The following SMC1B variants were observed in gnomAD, a reference collection of about 807,000 sequenced individuals.
SMC1B encodes structural maintenance of chromosomes protein 1B.
SMC1B carries 60 observed loss-of-function variants against 157.9 expected under a neutral mutation model. The observed-to-expected ratio is 0.38, with a 90% confidence interval of 0.31 to 0.47. The LOEUF is 0.47. Ranked by LOEUF, SMC1B falls within the 20% of genes least tolerant of loss-of-function variation. The probability of loss-of-function intolerance (pLI) is 0.99; values close to 1 mark genes in which losing one functional copy is unlikely to be tolerated. For missense variants in SMC1B, 1,165 were observed against 1,426.2 expected, an observed-to-expected ratio of 0.82 and a Z score of 2.95; for synonymous variants, 445 against 483.0, an observed-to-expected ratio of 0.92 and a Z score of 1.03.
chr22:45,361,408 T>G (rs1213542663), intron 17 of SMC1B, among the ~76,000 whole-genome samples: 1 of 152,038 alleles, frequency 6.6e-6, no homozygotes, highest in Non-Finnish European at 1.5e-5. Flanking sequence ...AGGTTAGGAG[T>G]TCGAGACCAA....
intron 22 of SMC1B, among the ~76,000 whole-genome samples, chr22:45,350,508 C>A (rs2086603086): frequency 1.3e-5 from 2 of 151,584 alleles, no homozygotes; most frequent in Admixed American, 1.3e-4. Context: ...GATCTCCTGA[C>A]CTTGTGATCT....
At chr22:45,346,856 C>T (rs1397281323) in intron 23 of SMC1B, among the ~76,000 whole-genome samples, 1 of 152,158 alleles carries the variant, frequency 6.6e-6, no homozygotes, top group Non-Finnish European at 1.5e-5. Context: ...CATAACTGCT[C>T]ATACTCAATT....
At chr22:45,403,966 G>C (rs1158708701) in intron 4 of SMC1B, among the ~76,000 whole-genome samples, 1 of 152,094 alleles carries the variant, frequency 6.6e-6, no homozygotes, top group African/African-American at 2.4e-5. Context: ...TTTTGAGACA[G>C]AGTCTCACTC....
In SMC1B at chr22:45,394,781, T is replaced by C. The variant is rs1169051663; in HGVS notation, c.1255-14A>G. On this transcript the variant is annotated splice_polypyrimidine_tract_variant and intron_variant, in intron 7 of 24. Transcript: ENST00000357450. The stretch of plus-strand genomic sequence containing the variant: ...TTTTAGATTTCCCTAAAAGAGGAAA[T>C]AAAATCTAAAATCAATTACGGCAAT... The C allele has an allele frequency of 6.6e-7, 1 of 1,505,886 alleles. No homozygotes were observed. The highest frequency in any genetic ancestry group is 2.5e-5 in the East Asian group (1 of 40,606). 93.3% of individuals were successfully genotyped at this position (1,505,886 alleles called of 1,614,324 possible). A position where few individuals can be genotyped will look rare whatever the true frequency, so the allele number is the denominator to read the frequency against.
chr22:45,364,286 CCT>C (rs1476445968), intron 15 of SMC1B, among the ~76,000 whole-genome samples: 2 of 152,118 alleles, frequency 1.3e-5, no homozygotes, highest in Non-Finnish European at 2.9e-5. Flanking sequence ...CCCACCACAC[CCT>C]GCTAACAGAA....
chr22:45,346,127 C>T (rs2086549376), intron 23 of SMC1B, among the ~76,000 whole-genome samples: 1 of 151,730 alleles, frequency 6.6e-6, no homozygotes, highest in African/African-American at 2.4e-5. Context: ...ATCGCTTGAA[C>T]CCGGGAGGTA....
rs559155069 is a variant in SMC1B at position 45,393,673 on chromosome 22, C to A, written c.1506G>T (p.Glu502Asp). Residue 502 changes from glutamate to aspartate, a missense_variant, in exon 9 of 25, where the codon GAG (glutamate) becomes GAT (aspartate). Transcript: ENST00000357450. ...HEGKRQQKRA[E>D]VLEHLKRLYP... ...ACAGTCTTTTAAGGTGTTCCAGAAC[C>A]TCTGCTCTCTTTTGCTGACGTTTTC... is the stretch of plus-strand genomic sequence containing the variant. 1.2e-6 allele frequency: 2 copies of A among 1,614,064 alleles called. No homozygotes were observed. The highest frequency in any genetic ancestry group is 2.2e-5 in the East Asian group (1 of 44,866).
chr22:45,361,842 T>G lies in SMC1B; in HGVS notation c.2705A>C (p.Asp902Ala). 6.2e-7 allele frequency: 1 copy of G among 1,613,782 alleles called. No homozygotes were observed. The highest frequency in any genetic ancestry group is 1.1e-5 in the South Asian group (1 of 90,972). The change falls in exon 17 of 25, where the codon GAT (aspartate) becomes GCT (alanine). Residue 902 changes from aspartate (D) to alanine (A), a missense_variant. Asp to Ala is a moderately radical substitution (Grantham distance 126, BLOSUM62 -2). Transcript: ENST00000357450. ...AAACTGATGAAGTCTTAATTACCTATCAACAGCCAGAAACTTCTTCCGTTC... is the reference window on the plus strand; with the variant it reads ...AAACTGATGAAGTCTTAATTACCTAGCAACAGCCAGAAACTTCTTCCGTTC... The part of the protein sequence containing the change: ...EEERKKFLAV[D>A]REVGKLQKEV...
chr22:45,387,964 G>A (rs9614655), intron 10 of SMC1B, among the ~76,000 whole-genome samples: 16,590 of 151,626 alleles, frequency 0.11, 1,252 homozygotes, highest in East Asian at 0.32. Context: ...CCCGGGAGGC[G>A]GAGGTTGCAG....
chr22:45,372,714 G>GTTTTTT (rs551576069), intron 12 of SMC1B, among the ~76,000 whole-genome samples: 1 of 66,572 alleles, frequency 1.5e-5, no homozygotes, highest in African/African-American at 1.5e-4. Flanking sequence ...TTGACTCCAG[G>GTTTTTT]TCTTTTTTTT....
At chr22:45,403,377 GTATC>G (rs1394305447) in intron 4 of SMC1B, among the ~76,000 whole-genome samples, 1 of 152,176 alleles carries the variant, frequency 6.6e-6, no homozygotes, top group Non-Finnish European at 1.5e-5. Context: ...TATGTATTGA[GTATC>G]TACTATGAGC....
At chr22:45,352,301 A>G in intron 22 of SMC1B, 150 bp downstream of exon 22, 1 of 688,942 alleles carries the variant, frequency 1.5e-6, no homozygotes, top group Non-Finnish European at 2.1e-6. Context: ...TTGTAGGCCT[A>G]AAACATAATC....
At chr22:45,406,901 TA>T (rs1298348156) in intron 2 of SMC1B, 36 bp from the exon 3 acceptor site, 9 of 1,425,774 alleles carry the variant, frequency 6.3e-6, no homozygotes, top group Non-Finnish European at 8.5e-6. Flanking sequence ...AAAAAATATA[TA>T]AATACCAGAT....
chr22:45,349,677 A>G (rs762184808), intron 23 of SMC1B, 51 bp downstream of exon 23: 38 of 1,515,398 alleles, frequency 2.5e-5, no homozygotes, highest in Non-Finnish European at 3.3e-5. Flanking sequence ...CTTGCCTCAC[A>G]TGATCCTTGA....
rs3747240 is a variant in SMC1B at position 45,344,343 on chromosome 22, G to A, written c.*213C>T. The stretch of plus-strand genomic sequence containing the variant: ...TTGTTTGTTTTTTAAAAACTCATTT[G>A]ACACCAGCTCTCACTGAAAACTTTC... On this transcript the variant is annotated 3_prime_UTR_variant, in exon 25 of 25. Transcript: ENST00000357450. The A allele has an allele frequency of 0.87, 316,048 of 361,816 alleles. 138,416 individuals carry two copies. The highest frequency in any genetic ancestry group is 0.95 in the African/African-American group (45,438 of 47,942). 22.4% of individuals were successfully genotyped at this position (361,816 alleles called of 1,614,324 possible).
At position 45,358,701 on chromosome 22, in the gene SMC1B, A is replaced by G; in HGVS notation, c.2957T>C (p.Leu986Ser). 6.3e-7 allele frequency: 1 copy of G among 1,592,736 alleles called. No individual in the cohort carries two copies. The highest frequency in any genetic ancestry group is 8.6e-7 in the Non-Finnish European group (1 of 1,164,302). ...CAACAGAAAGCTTTCCATTACCTTC[A>G]AATCCTCTTTTAGAGAGCTGTAGTC... Reference protein sequence around the residue: ...EIDYSSLKEDLKALQSDQEIE... With the variant: ...EIDYSSLKEDSKALQSDQEIE... Residue 986 changes from leucine (L) to serine (S), a missense_variant, in exon 19 of 25, where the codon TTG becomes TCG. Leu to Ser is a moderately radical substitution (Grantham distance 145). Transcript: ENST00000357450.
At chr22:45,408,270 T>C (rs1260647073) in intron 2 of SMC1B, among the ~76,000 whole-genome samples, 3 of 152,056 alleles carry the variant, frequency 2.0e-5, no homozygotes, top group Non-Finnish European at 4.4e-5. Flanking sequence ...GGACTACAGG[T>C]GCCTGCCACC....
chr22:45,375,044 C>A (rs1469150300), intron 12 of SMC1B, among the ~76,000 whole-genome samples: 4 of 152,110 alleles, frequency 2.6e-5, no homozygotes, highest in African/African-American at 9.7e-5. Flanking sequence ...TCTTGGGGCT[C>A]CAAAATCACT....
Position 45,353,187 on chromosome 22 carries a change from G to A in SMC1B, c.3274-585C>T, listed in dbSNP as rs148482495. On this transcript the variant is annotated intron_variant, in intron 21 of 24. Coordinates refer to ENST00000357450, the MANE Select transcript of SMC1B (RefSeq NM_148674.5). ...TTGGGAAGCTGAGACACTTGAACCCGGGAGGTGGAGGTTTCAGTGAGCCGA... is the reference window on the plus strand; with the variant it reads ...TTGGGAAGCTGAGACACTTGAACCCAGGAGGTGGAGGTTTCAGTGAGCCGA... 2.2e-4 allele frequency among the ~76,000 whole-genome samples: 33 copies of A among 151,090 alleles called. No individual in the cohort carries two copies. The South Asian group carries it at 4.8e-3, about 22-fold the overall frequency.
Sources: allele counts gnomAD v4.1 joint callset (sites outside exome capture counted in the v4.1 genomes callset), GRCh38; gene constraint gnomAD v4.1.1; transcripts MANE v1.5; gene names NCBI Gene and HGNC (gene_info 2026-07-23, HGNC 2026-07-21).